Variants in ANKRD35 observed in about 807,000 individuals in gnomAD.
The protein encoded by ANKRD35 is ankyrin repeat domain 35.
Under a neutral mutation model 109.9 loss-of-function variants are expected in ANKRD35, and 102 were observed. That is an observed-to-expected ratio of 0.93 (90% CI 0.79 to 1.09). ANKRD35 has a LOEUF of 1.09. ANKRD35 is among the 50% of genes least tolerant of loss of function. The pLI is 0.00. For missense variants in ANKRD35, 1,240 were observed against 1,230.1 expected, an observed-to-expected ratio of 1.01 and a Z score of -0.12; for synonymous variants, 515 against 512.4, an observed-to-expected ratio of 1.01 and a Z score of -0.07.
Position 145,873,936 on chromosome 1 carries a change from C to G in ANKRD35, c.833G>C (p.Arg278Thr). 6 of 1,614,086 alleles carry G rather than the reference C, an allele frequency of 3.7e-6. No individual in the cohort carries two copies. In the East Asian group the frequency reaches 1.3e-4, roughly 36 times the overall value. ...QAGSPPKSSW[R>T]AEPEEEQEEK... ...CTCTTGCTCCTCTTCAGGCTCTGCT[C>G]TCCATGAGCTCTTAGGAGGAGAACC... is the stretch of plus-strand genomic sequence containing the variant. Residue 278 changes from arginine to threonine, a missense_variant, in exon 10 of 14, where the codon AGA (arginine) becomes ACA (threonine). Physicochemically the swap from Arg to Thr is moderately conservative, Grantham distance 71. Coordinates refer to ENST00000355594, the MANE Select transcript of ANKRD35 (RefSeq NM_144698.5).
Position 145,872,379 on chromosome 1 carries a change from T to C in ANKRD35, c.2390A>G (p.Gln797Arg). Residue 797 changes from glutamine (Q) to arginine (R), a missense_variant, in exon 10 of 14, where the codon CAG becomes CGG. Coordinates refer to ENST00000355594, the MANE Select transcript of ANKRD35 (RefSeq NM_144698.5). The stretch of plus-strand genomic sequence containing the variant: ...CTGGCTCTTCCCGCTCATCGTGGCC[T>C]GAACTGCCCGCAGCTCTTCCTCCAG... ...GKLEEELRAVQATMSGKSQEI... is the reference protein window; with the variant it reads ...GKLEEELRAVRATMSGKSQEI... 6.2e-7 allele frequency: 1 copy of C among 1,613,154 alleles called. No homozygotes were observed. The highest frequency in any genetic ancestry group is 1.1e-5 in the South Asian group (1 of 91,016).
chr1:145,880,854 G>T (rs1242496429), intron 1 of ANKRD35, among the ~76,000 whole-genome samples: 1 of 152,174 alleles, frequency 6.6e-6, no homozygotes, highest in Non-Finnish European at 1.5e-5. Context: ...CCTTTCACAT[G>T]CTATTTCAAT....
At chr1:145,877,824 G>T (rs192202602) in intron 4 of ANKRD35, 144 bp downstream of exon 4, 3 of 737,598 alleles carry the variant, frequency 4.1e-6, no homozygotes, top group East Asian at 2.8e-5. Flanking sequence ...AATAAATGTT[G>T]GCAAACAAAT....
chr1:145,881,309 G>A (rs1570807904), intron 1 of ANKRD35, among the ~76,000 whole-genome samples: 2 of 151,922 alleles, frequency 1.3e-5, no homozygotes, highest in Admixed American at 1.3e-4. Flanking sequence ...AACAAAAAAA[G>A]AACCCAGTCC....
In ANKRD35 at chr1:145,878,495, C is replaced by A; in HGVS notation, c.171-16G>T. The A allele has an allele frequency of 6.4e-7, 1 of 1,558,490 alleles. No homozygotes were observed. The highest frequency in any genetic ancestry group is 2.4e-5 in the East Asian group (1 of 42,008). On this transcript the variant is annotated splice_polypyrimidine_tract_variant and intron_variant, in intron 2 of 13. Transcript: ENST00000355594. ...CAGATGAAACCTGCCAGAATCAAGGCCGAGAGGCCAAAGGATAAAGGGACC... is the reference window on the plus strand; with the variant it reads ...CAGATGAAACCTGCCAGAATCAAGGACGAGAGGCCAAAGGATAAAGGGACC...
At chr1:145,868,521 T>A (rs782123692) in intron 10 of ANKRD35, 121 bp from the exon 11 acceptor site, 5 of 776,674 alleles carry the variant, frequency 6.4e-6, no homozygotes, top group Non-Finnish European at 1.1e-5. Context: ...ATTGTCTCAT[T>A]TAACACTCAA....
Position 145,885,768 on chromosome 1 carries a change from C to CG in ANKRD35, c.-11dup, listed in dbSNP as rs1323531268. 6.2e-7 allele frequency: 1 copy of CG among 1,611,092 alleles called. No individual in the cohort carries two copies. Among genetic ancestry groups the CG allele is most frequent in the Non-Finnish European group, 8.5e-7 (1 of 1,177,572 alleles). On this transcript the variant is annotated 5_prime_UTR_variant, in exon 1 of 14. Coordinates refer to ENST00000355594, the MANE Select transcript of ANKRD35 (RefSeq NM_144698.5). The stretch of plus-strand genomic sequence containing the variant: ...AGAAGATACGCTTCATGGCCGGGGT[C>CG]GGGGCCACGGGGGATGGGGACGCGC...
chr1:145,873,275 C>T lies in ANKRD35; in HGVS notation c.1494G>A (p.Glu498=), dbSNP rs587771432. The T allele has an allele frequency of 1.4e-5, 22 of 1,614,174 alleles. No homozygotes were observed. The South Asian group carries it at 2.3e-4, about 17-fold the overall frequency. The change falls in exon 10 of 14, where the codon GAG becomes GAA. Residue 498 remains glutamate (E), a synonymous_variant. Transcript: ENST00000355594. ...MNQLLLQLRE[E]LAAVWREKDA... ...CCTTTTCTCGCCACACTGCAGCAAGCTCCTCCCTTAGTTGAAGCAGAAGCT... is the reference window on the plus strand; with the variant it reads ...CCTTTTCTCGCCACACTGCAGCAAGTTCCTCCCTTAGTTGAAGCAGAAGCT...
intron 9 of ANKRD35, 51 bp from the exon 10 acceptor site, chr1:145,874,036 C>A: frequency 6.2e-7 from 1 of 1,611,602 alleles, no homozygotes; most frequent in East Asian, 2.2e-5. Flanking sequence ...ACGAACTGAG[C>A]CCTAGGAGTG....
rs782024508 is a variant in ANKRD35 at position 145,874,882 on chromosome 1, T to TGTGCAGAGCATA, written c.673_684dup (p.Tyr225_His228dup). 3.7e-6 allele frequency: 6 copies of TGTGCAGAGCATA among 1,613,128 alleles called. No individual in the cohort carries two copies. The highest frequency in any genetic ancestry group is 5.1e-6 in the Non-Finnish European group (6 of 1,179,546). The stretch of plus-strand genomic sequence containing the variant: ...TGCCTCCACAGTGCCTTGTCTTGTG[T>TGTGCAGAGCATA]GTGCAGAGCATAGTGCAGAGCATCA... On this transcript the variant is annotated inframe_insertion, in exon 8 of 14. Transcript: ENST00000355594.
rs781959820 is a variant in ANKRD35 at position 145,872,631 on chromosome 1, A to G, written c.2138T>C (p.Val713Ala). The change falls in exon 10 of 14, where the codon GTG becomes GCG. Residue 713 changes from valine to alanine, a missense_variant. Transcript: ENST00000355594. ...GLWDCLPADL[V>A]GERSAQSKAA... ...TTTGCTTTGTGCACTCCTCTCGCCC[A>G]CTAGGTCTGCGGGCAGGCAGTCCCA... 21 of 1,613,818 alleles carry G rather than the reference A, an allele frequency of 1.3e-5. No homozygotes were observed. The South Asian group carries it at 1.6e-4, about 13-fold the overall frequency.
rs115405115 is a variant in ANKRD35 at position 145,877,131 on chromosome 1, C to T, written c.325-258G>A. Reference sequence around the variant, plus strand: ...TGTTAGGGAAAATGACACCCAATGTCCCCGTGGCTGGTACTTTAGAAACAT... The same window carrying T: ...TGTTAGGGAAAATGACACCCAATGTTCCCGTGGCTGGTACTTTAGAAACAT... On this transcript the variant is annotated intron_variant, in intron 4 of 13. Coordinates refer to ENST00000355594, the MANE Select transcript of ANKRD35 (RefSeq NM_144698.5). Among the ~76,000 whole-genome samples, 1,369 of 152,242 alleles carry T rather than the reference C, an allele frequency of 9.0e-3. 15 individuals carry two copies. The highest frequency in any genetic ancestry group is 0.031 in the African/African-American group (1,276 of 41,530).
At chr1:145,868,458 GT>G in intron 10 of ANKRD35, 58 bp from the exon 11 acceptor site, 1 of 1,478,630 alleles carries the variant, frequency 6.8e-7, no homozygotes, top group East Asian at 2.3e-5. Context: ...TCCCACAAGG[GT>G]CAAGGTCAGC....
chr1:145,882,321 G>C (rs1162010049), intron 1 of ANKRD35, among the ~76,000 whole-genome samples: 2 of 120,268 alleles, frequency 1.7e-5, no homozygotes, highest in East Asian at 2.4e-4. Context: ...TTTTGAGACA[G>C]AGTCTTGCTT....
At chr1:145,884,909 C>T (rs1294255548) in intron 1 of ANKRD35, among the ~76,000 whole-genome samples, 1 of 152,318 alleles carries the variant, frequency 6.6e-6, no homozygotes, top group Non-Finnish European at 1.5e-5. Flanking sequence ...GCAACTCACC[C>T]AGTCCTCTGG....
At chr1:145,882,070 T>C (rs1487720848) in intron 1 of ANKRD35, among the ~76,000 whole-genome samples, 2 of 141,716 alleles carry the variant, frequency 1.4e-5, no homozygotes, top group African/African-American at 5.2e-5. Flanking sequence ...TTCTCCTGCC[T>C]CAGCCTCCCG....
chr1:145,868,969 T>A (rs1653705531), intron 10 of ANKRD35, among the ~76,000 whole-genome samples: 1 of 152,206 alleles, frequency 6.6e-6, no homozygotes, highest in African/African-American at 2.4e-5. Context: ...TTTATTTTTT[T>A]AAAACTCAGT....
chr1:145,880,120 C>T (rs1382439327), intron 1 of ANKRD35, among the ~76,000 whole-genome samples: 2 of 152,172 alleles, frequency 1.3e-5, no homozygotes, highest in African/African-American at 2.4e-5. Context: ...CTCCCAGTTT[C>T]CCTGGCAGGG....
chr1:145,871,876 T>A, intron 10 of ANKRD35, 106 bp downstream of exon 10: 1 of 1,412,844 alleles, frequency 7.1e-7, no homozygotes, highest in Non-Finnish European at 9.6e-7. Context: ...TTTGGGGTAT[T>A]AATCTGACCC....
Sources: allele counts gnomAD v4.1 joint callset (sites outside exome capture counted in the v4.1 genomes callset), GRCh38; gene constraint gnomAD v4.1.1; transcripts MANE v1.5; gene names NCBI Gene and HGNC (gene_info 2026-07-23, HGNC 2026-07-21).